MTCH1: variants seen among roughly 807,000 people sequenced by gnomAD.
MTCH1 encodes the protein mitochondrial carrier homolog 1.
MTCH1 carries 23 observed loss-of-function variants against 49.3 expected under a neutral mutation model. The ratio of observed to expected loss-of-function variants is 0.47; its 90% CI spans 0.34 to 0.66. MTCH1 has a LOEUF of 0.66. Among genes scored for constraint, MTCH1 ranks in the 30% least tolerant of loss-of-function variants. The pLI is 0.01. For missense variants in MTCH1, 397 were observed against 532.1 expected (o/e 0.75, Z 2.50); for synonymous variants, 229 against 215.2 (o/e 1.06, Z -0.56).
At chr6:36,983,519 C>A (rs1360043708) in intron 1 of MTCH1, among the ~76,000 whole-genome samples, 1 of 152,186 alleles carries the variant, frequency 6.6e-6, no homozygotes, top group East Asian at 1.9e-4. Context: ...ATTGGGTTAT[C>A]ATAGGCACAC....
At position 36,968,667 on chromosome 6, in the gene MTCH1, T is replaced by G; in HGVS notation, c.*236A>C. On this transcript the variant is annotated 3_prime_UTR_variant, in exon 12 of 12. Transcript: ENST00000373627. ...TGCGAGGTATGGGGATTCTGCCAAC[T>G]CCCCACCTCGCCTCACCTTCCCTAG... 6.3e-6 allele frequency: 4 copies of G among 633,888 alleles called. No homozygotes were observed. Among genetic ancestry groups the G allele is most frequent in the Non-Finnish European group, 1.2e-5 (4 of 339,970 alleles). The allele number at this position is 633,888 out of a possible 1,614,324, so 39.3% of individuals were successfully genotyped here.
intron 6 of MTCH1, chr6:36,976,408 G>A (rs1561907574): frequency 1.5e-5 from 6 of 394,466 alleles, no homozygotes; most frequent in East Asian, 7.7e-5. Flanking sequence ...GGGTAGCCCC[G>A]GTCCCAGATC....
At position 36,968,295 on chromosome 6, in the gene MTCH1, A is replaced by G. The variant is rs1423859544; in HGVS notation, c.*608T>C. The G allele has an allele frequency of 2.4e-5, 5 of 210,848 alleles. No homozygotes were observed. Among genetic ancestry groups the G allele is most frequent in the African/African-American group, 7.0e-5 (3 of 43,132 alleles). The allele number at this position is 210,848 out of a possible 1,614,324, so 13.1% of individuals were successfully genotyped here. The stretch of plus-strand genomic sequence containing the variant: ...CCTGTACGCGAGGCATCACCATTAA[A>G]CAGATGAGCATTAGATGAGGAGGAC... On this transcript the variant is annotated 3_prime_UTR_variant, in exon 12 of 12. Coordinates refer to ENST00000373627, the MANE Select transcript of MTCH1 (RefSeq NM_001271641.2).
upstream of MTCH1, chr6:36,986,219 C>T (rs1047730915): frequency 3.2e-5 from 44 of 1,383,372 alleles, 1 homozygote; most frequent in African/African-American, 1.7e-4. Flanking sequence ...CGGGGCCACG[C>T]CCCCTCACCG....
At chr6:36,970,829 A>C in intron 8 of MTCH1, 135 bp from the exon 9 acceptor site, 1 of 1,004,746 alleles carries the variant, frequency 1.0e-6, no homozygotes, top group Non-Finnish European at 1.5e-6. Flanking sequence ...GTCAGCCCTC[A>C]CAGTCACTGC....
chr6:36,985,352 A>G (rs145260597), intron 1 of MTCH1, among the ~76,000 whole-genome samples: 101 of 151,246 alleles, frequency 6.7e-4, no homozygotes, highest in Middle Eastern at 3.4e-3. Context: ...TATCAAATCC[A>G]GAGCCTCCGT....
Position 36,972,096 on chromosome 6 carries a change from C to T in MTCH1, c.906+556G>A, listed in dbSNP as rs1386047600. 6.6e-6 allele frequency among the ~76,000 whole-genome samples: 1 copy of T among 152,172 alleles called. No individual in the cohort carries two copies. The highest frequency in any genetic ancestry group is 2.4e-5 in the African/African-American group (1 of 41,434). On this transcript the variant is annotated intron_variant, in intron 8 of 11. Transcript: ENST00000373627. This position sits in a 1 kb window ranked among gnomAD's most constrained non-coding sequence, Gnocchi z 4.1. Reference sequence around the variant, plus strand: ...AGATCTGAAAAAACTCAGAGGAATGCACCCTTGGCCTGGCCAGGGATCTAA... The same window carrying T: ...AGATCTGAAAAAACTCAGAGGAATGTACCCTTGGCCTGGCCAGGGATCTAA...
At chr6:36,978,976 TTC>T (rs2150750863) in intron 2 of MTCH1, among the ~76,000 whole-genome samples, 1 of 144,938 alleles carries the variant, frequency 6.9e-6, no homozygotes, top group South Asian at 2.3e-4. Flanking sequence ...CAGAAAACAA[TTC>T]TGTTACTTAA....
rs1764130113 is a variant in MTCH1 at position 36,982,387 on chromosome 6, T to A, written c.322-715A>T. On this transcript the variant is annotated intron_variant, in intron 1 of 11. Transcript: ENST00000373627. This position sits in a 1 kb window ranked among gnomAD's most constrained non-coding sequence, Gnocchi z 4.1. ...TATCTGAAATATTTATTTATTTATT[T>A]TTTTTTTTGAGATGGAGTTTCACTC... Among the ~76,000 whole-genome samples the A allele has an allele frequency of 6.6e-6, 1 of 152,026 alleles. No homozygotes were observed. Among genetic ancestry groups the A allele is most frequent in the Admixed American group, 6.6e-5 (1 of 15,254 alleles).
chr6:36,969,809 C>G (rs937964681), intron 11 of MTCH1: 39 of 1,478,538 alleles, frequency 2.6e-5, no homozygotes, highest in Non-Finnish European at 3.4e-5. Context: ...AAGAAAAGGT[C>G]TTGTCTGATG....
rs1186622838 is a variant in MTCH1, at chr6:36,977,300, C to A, written c.650-50G>T. 2 of 1,599,184 alleles carry A rather than the reference C, an allele frequency of 1.3e-6. No homozygotes were observed. The highest frequency in any genetic ancestry group is 1.7e-5 in the Admixed American group (1 of 59,978). ...ACAGGTGATGTGGTGGGCCACACTTCATAATGCTCCAGCCACCGGGTGCCA... is the reference window on the plus strand; with the variant it reads ...ACAGGTGATGTGGTGGGCCACACTTAATAATGCTCCAGCCACCGGGTGCCA... On this transcript the variant is annotated intron_variant, in intron 5 of 11. Transcript: ENST00000373627. This position sits in a 1 kb window ranked among gnomAD's most constrained non-coding sequence, Gnocchi z 5.4.
At position 36,972,835 on chromosome 6, in the gene MTCH1, G is replaced by T. The variant is rs1394917303; in HGVS notation, c.762-39C>A. ...TAAGCAGAGATGAGCAGGAGAGGGA[G>T]AGGAGCAGTTCCTGGGGGCTCCACA... is the stretch of plus-strand genomic sequence containing the variant. On this transcript the variant is annotated intron_variant, in intron 7 of 11. Transcript: ENST00000373627. This position sits in a 1 kb window ranked among gnomAD's most constrained non-coding sequence, Gnocchi z 4.1. 8 of 1,521,504 alleles carry T rather than the reference G, an allele frequency of 5.3e-6. No individual in the cohort carries two copies. The highest frequency in any genetic ancestry group is 7.1e-6 in the Non-Finnish European group (8 of 1,123,256). 94.3% of individuals were successfully genotyped at this position (1,521,504 alleles called of 1,614,324 possible). A position where few individuals can be genotyped will look rare whatever the true frequency, so the allele number is the denominator to read the frequency against.
intron 2 of MTCH1, 66 bp from the exon 3 acceptor site, chr6:36,978,677 C>G: frequency 1.4e-6 from 2 of 1,402,606 alleles, no homozygotes; most frequent in East Asian, 4.6e-5. Context: ...CTGGGTCACA[C>G]ACACCCAGAC....
rs529750224 is a variant in MTCH1, at chr6:36,983,590, T to A, written c.322-1918A>T. Among the ~76,000 whole-genome samples, 10 of 152,294 alleles carry A rather than the reference T, an allele frequency of 6.6e-5. 1 individual carries two copies. In the South Asian group the frequency reaches 2.1e-3, roughly 32 times the overall value. ...GTTTTAATTATTTGTTCCCAAGTCA[T>A]TAAACCCAATTTCAACCTCAAATCT... On this transcript the variant is annotated intron_variant, in intron 1 of 11. Transcript: ENST00000373627.
In MTCH1 at chr6:36,977,722, A is replaced by AC; in HGVS notation, c.592-32dup. 2 of 1,579,598 alleles carry AC rather than the reference A, an allele frequency of 1.3e-6. No homozygotes were observed. The highest frequency in any genetic ancestry group is 2.3e-5 in the South Asian group (2 of 86,668). ...AGAGAGCATGGGGTGGGGACTCGCCACCCTCGGCCTGTCTCTGGAACTGGC... is the reference window on the plus strand; with the variant it reads ...AGAGAGCATGGGGTGGGGACTCGCCACCCCTCGGCCTGTCTCTGGAACTGGC... On this transcript the variant is annotated intron_variant, in intron 4 of 11. Transcript: ENST00000373627. The surrounding 1 kb of genome is among the most constrained non-coding windows in gnomAD (Gnocchi z 5.4).
intron 7 of MTCH1, among the ~76,000 whole-genome samples, chr6:36,975,436 T>G (rs188042872): frequency 2.6e-5 from 4 of 152,164 alleles, no homozygotes; most frequent in African/African-American, 9.6e-5. Context: ...ATCTCCCCCA[T>G]GTACTAGACA....
At chr6:36,976,831 G>T (rs752428099) in intron 6 of MTCH1, among the ~76,000 whole-genome samples, 1 of 152,180 alleles carries the variant, frequency 6.6e-6, no homozygotes, top group Non-Finnish European at 1.5e-5. Context: ...AGAGCTATCA[G>T]CCTATGAGGG....
At chr6:36,969,002 T>TG (rs1447174810) in intron 11 of MTCH1, 28 bp from the exon 12 acceptor site, 1 of 1,611,052 alleles carries the variant, frequency 6.2e-7, no homozygotes, top group African/African-American at 1.3e-5. Flanking sequence ...GTAAGGTGAG[T>TG]GAAAGGGAGG....
In MTCH1 at chr6:36,972,100, C is replaced by A. The variant is rs1763705865; in HGVS notation, c.906+552G>T. ...CTGAAAAAACTCAGAGGAATGCACC[C>A]TTGGCCTGGCCAGGGATCTAATTCC... On this transcript the variant is annotated intron_variant, in intron 8 of 11. Transcript: ENST00000373627. This position sits in a 1 kb window ranked among gnomAD's most constrained non-coding sequence, Gnocchi z 4.1. Among the ~76,000 whole-genome samples, 1 of 152,182 alleles carries A rather than the reference C, an allele frequency of 6.6e-6. No homozygotes were observed. The highest frequency in any genetic ancestry group is 2.4e-5 in the African/African-American group (1 of 41,440).
Sources: allele counts gnomAD v4.1 joint callset (sites outside exome capture counted in the v4.1 genomes callset), GRCh38; gene constraint gnomAD v4.1.1; non-coding constraint Gnocchi (gnomAD v3.1); transcripts MANE v1.5; gene names NCBI Gene and HGNC (gene_info 2026-07-23, HGNC 2026-07-21).